The following RBFOX1 variants were observed in gnomAD, a reference collection of about 807,000 sequenced individuals.
The protein encoded by RBFOX1 is RNA binding protein fox-1 homolog 1.
A neutral mutation model predicts 57.7 loss-of-function variants in RBFOX1; 8 were observed. That is an observed-to-expected ratio of 0.14 (90% CI 0.08 to 0.25). The LOEUF (loss-of-function observed/expected upper bound fraction) is 0.25, where lower values mean the gene tolerates loss of function less well. Among genes scored for constraint, RBFOX1 ranks in the 10% least tolerant of loss-of-function variants. RBFOX1 has a pLI of 1.00. For synonymous variants in RBFOX1, 326 were observed against 222.4 expected (o/e 1.47, Z -4.15); for missense variants, 611 against 548.5 (o/e 1.11, Z -1.14).
chr16:7,010,765 A>G (rs1474616617), intron 3 of RBFOX1, among the ~76,000 whole-genome samples: 1 of 152,068 alleles, frequency 6.6e-6, no homozygotes, highest in Non-Finnish European at 1.5e-5. Flanking sequence ...TGGTTTCTCC[A>G]TGTTGGCCAG....
At chr16:5,454,812 TC>T (rs1249407543) in intron 1 of RBFOX1, among the ~76,000 whole-genome samples, 103 of 150,030 alleles carry the variant, frequency 6.9e-4, no homozygotes, top group Middle Eastern at 3.5e-3. Flanking sequence ...TCTTTCCCTT[TC>T]CTTTCCTTTC....
At chr16:5,320,795 G>C (rs1190713565) in intron 1 of RBFOX1, among the ~76,000 whole-genome samples, 1 of 152,194 alleles carries the variant, frequency 6.6e-6, no homozygotes, top group Non-Finnish European at 1.5e-5. Context: ...TCTGAGTAGA[G>C]AGAGCTGGGG....
intron 4 of RBFOX1, among the ~76,000 whole-genome samples, chr16:5,885,656 T>C (rs986221234): frequency 1.3e-5 from 2 of 152,198 alleles, no homozygotes; most frequent in Non-Finnish European, 2.9e-5. Flanking sequence ...ATTTCCGCTA[T>C]GCTAATGTTG....
chr16:6,524,092 T>G (rs1598859037), intron 2 of RBFOX1, among the ~76,000 whole-genome samples: 1 of 152,316 alleles, frequency 6.6e-6, no homozygotes, highest in Non-Finnish European at 1.5e-5. Context: ...ACACTAGGTC[T>G]TATTCATTCT....
chr16:6,256,175 A>ATATATGTATATATG lies in RBFOX1; in HGVS notation c.-126-60815_-126-60814insGTATATATGTATAT, dbSNP rs71145207. Among the ~76,000 whole-genome samples, 30 of 28,330 alleles carry ATATATGTATATATG rather than the reference A, an allele frequency of 1.1e-3. 5 individuals carry two copies. The highest frequency in any genetic ancestry group is 4.5e-3 in the South Asian group (2 of 446). The allele number at this position is 28,330 out of a possible 152,430, so 18.6% of individuals were successfully genotyped here. Reference sequence around the variant, plus strand: ...TATATATATGTATATATATATGTATATATATATATACGTATATATATGTAT... The same window carrying ATATATGTATATATG: ...TATATATATGTATATATATATGTATATATATGTATATATGTATATATATACGTATATATATGTAT... On this transcript the variant is annotated intron_variant, in intron 1 of 15. Transcript: ENST00000550418.
At chr16:6,601,283 C>T (rs1236219594) in intron 2 of RBFOX1, among the ~76,000 whole-genome samples, 11 of 152,050 alleles carry the variant, frequency 7.2e-5, no homozygotes, top group South Asian at 2.1e-4. Flanking sequence ...TAGAAAGATA[C>T]GGCTCTAGTA....
intron 3 of RBFOX1, among the ~76,000 whole-genome samples, chr16:6,801,838 A>C (rs1040694030): frequency 6.6e-6 from 1 of 152,130 alleles, no homozygotes; most frequent in South Asian, 2.1e-4. Flanking sequence ...TTGTATGTCT[A>C]CATGTAAGTG....
At chr16:7,095,596 T>G (rs969974375) in intron 4 of RBFOX1, among the ~76,000 whole-genome samples, 5 of 152,224 alleles carry the variant, frequency 3.3e-5, no homozygotes, top group Non-Finnish European at 7.3e-5. Context: ...GGTCTGAGCT[T>G]TCTCTATACT....
chr16:5,551,664 G>A (rs550949642), intron 2 of RBFOX1, among the ~76,000 whole-genome samples: 1 of 152,170 alleles, frequency 6.6e-6, no homozygotes, highest in African/African-American at 2.4e-5. Context: ...TACGTTCTGG[G>A]ATACACGTGC....
rs116139120 is a variant in RBFOX1, at chr16:6,912,382, C to T, written c.-15-139675C>T. Among the ~76,000 whole-genome samples the T allele has an allele frequency of 2.7e-3, 404 of 150,906 alleles. 2 individuals carry two copies. Among genetic ancestry groups the T allele is most frequent in the African/African-American group, 9.1e-3 (372 of 41,052 alleles). On this transcript the variant is annotated intron_variant, in intron 3 of 15. Transcript: ENST00000550418. ...GGTGATGTGGATCTCGGAGTGGGGA[C>T]GGTACATTTTGCGAACCACGGGGCT...
chr16:6,052,523 A>G (rs550419200), intron 1 of RBFOX1, among the ~76,000 whole-genome samples: 215 of 152,108 alleles, frequency 1.4e-3, no homozygotes, highest in Non-Finnish European at 2.4e-3. Context: ...GGTGGCTCAC[A>G]CCTGTAATCC....
chr16:6,069,273 C>A (rs1413980365), intron 1 of RBFOX1, among the ~76,000 whole-genome samples: 1 of 151,880 alleles, frequency 6.6e-6, no homozygotes, highest in South Asian at 2.1e-4. Context: ...GGGCACATAC[C>A]TGTAATTCCA....
At chr16:7,514,744 C>T (rs2075978489) in intron 4 of RBFOX1, among the ~76,000 whole-genome samples, 1 of 152,102 alleles carries the variant, frequency 6.6e-6, no homozygotes, top group South Asian at 2.1e-4. Flanking sequence ...CTTAACTGAC[C>T]ATAAGCTTCT....
intron 13 of RBFOX1, among the ~76,000 whole-genome samples, chr16:7,674,768 C>G (rs1293281753): frequency 2.0e-5 from 3 of 152,172 alleles, no homozygotes; most frequent in Non-Finnish European, 4.4e-5. Context: ...TATACATAAC[C>G]TACTAGTCAG....
At chr16:7,125,100 G>A (rs2068159208) in intron 4 of RBFOX1, among the ~76,000 whole-genome samples, 1 of 152,094 alleles carries the variant, frequency 6.6e-6, no homozygotes, top group South Asian at 2.1e-4. Context: ...TTAAAGAAAA[G>A]CCAAAATGAC....
intron 3 of RBFOX1, among the ~76,000 whole-genome samples, chr16:5,633,540 A>T (rs2048586718): frequency 6.6e-6 from 1 of 152,158 alleles, no homozygotes; most frequent in Admixed American, 6.5e-5. Context: ...ATCTACAAGG[A>T]ACTCAAATCA....
chr16:6,067,371 A>C (rs925365547), intron 1 of RBFOX1, among the ~76,000 whole-genome samples: 1 of 20,820 alleles, frequency 4.8e-5, no homozygotes, highest in African/African-American at 3.2e-4. Flanking sequence ...AATAGAGGCA[A>C]AAACAAACCA....
At chr16:7,537,226 G>A (rs1288210367) in intron 5 of RBFOX1, among the ~76,000 whole-genome samples, 1 of 152,196 alleles carries the variant, frequency 6.6e-6, no homozygotes, top group East Asian at 1.9e-4. Flanking sequence ...ATGTTGATAG[G>A]AACTAGAATG....
At chr16:5,961,408 A>G (rs758687199) in intron 4 of RBFOX1, among the ~76,000 whole-genome samples, 41 of 152,200 alleles carry the variant, frequency 2.7e-4, no homozygotes, top group Non-Finnish European at 5.0e-4. Flanking sequence ...GTGGTGGGAC[A>G]GAAATTCTTA....
Sources: allele counts gnomAD v4.1 joint callset (sites outside exome capture counted in the v4.1 genomes callset), GRCh38; gene constraint gnomAD v4.1.1; transcripts MANE v1.5; gene names NCBI Gene and HGNC (gene_info 2026-07-23, HGNC 2026-07-21).